SCN1A: variants seen among roughly 807,000 people sequenced by gnomAD.
SCN1A encodes sodium voltage-gated channel alpha subunit 1.
SCN1A carries 13 observed loss-of-function variants against 193.7 expected under a neutral mutation model. The ratio of observed to expected loss-of-function variants is 0.07; its 90% CI spans 0.04 to 0.11. The LOEUF (loss-of-function observed/expected upper bound fraction) is 0.11. Ranked by LOEUF, SCN1A falls within the 10% of genes least tolerant of loss-of-function variation. The pLI is 1.00. For synonymous variants in SCN1A, 781 were observed against 843.6 expected, an observed-to-expected ratio of 0.93 and a Z score of 1.29; for missense variants, 1,432 against 2,451.1, an observed-to-expected ratio of 0.58 and a Z score of 8.78.
upstream of SCN1A, among the ~76,000 whole-genome samples, chr2:166,132,071 G>C (rs144060743): frequency 8.5e-5 from 13 of 152,292 alleles, no homozygotes; most frequent in Admixed American, 4.6e-4. Flanking sequence ...TTGGAGGCTG[G>C]AGGCGAACTT....
At position 165,989,225 on chromosome 2, in the gene SCN1A, T is replaced by C. The variant is rs935996465; in HGVS notation, c.*2020A>G. On this transcript the variant is annotated 3_prime_UTR_variant, in exon 29 of 29. Transcript: ENST00000674923. ...AAATGTTGGTTAGCATTATTTAGCATAATAGTAGCATTTTCCAGCATGCAG... is the reference window on the plus strand; with the variant it reads ...AAATGTTGGTTAGCATTATTTAGCACAATAGTAGCATTTTCCAGCATGCAG... 6.6e-6 allele frequency: 1 copy of C among 152,554 alleles called. No individual in the cohort carries two copies. Among genetic ancestry groups the C allele is most frequent in the African/African-American group, 2.4e-5 (1 of 41,428 alleles). 9.5% of individuals were successfully genotyped at this position (152,554 alleles called of 1,614,324 possible).
chr2:166,043,518 G>C (rs1697397366), intron 14 of SCN1A, 151 bp downstream of exon 14: 1 of 823,828 alleles, frequency 1.2e-6, no homozygotes, highest in African/African-American at 1.7e-5. Context: ...TTAAGTTTTA[G>C]TTGGTTAGTC....
chr2:166,123,223 CAAAAAAAAA>C (rs57488795), intron 2 of SCN1A, among the ~76,000 whole-genome samples: 172 of 116,258 alleles, frequency 1.5e-3, no homozygotes, highest in African/African-American at 5.5e-3. Flanking sequence ...CATTCATTTG[CAAAAAAAAA>C]AAAAAAAAAA....
chr2:166,049,088 T>C, intron 9 of SCN1A, 139 bp from the exon 10 acceptor site: 1 of 657,588 alleles, frequency 1.5e-6, no homozygotes, highest in Non-Finnish European at 2.8e-6. Flanking sequence ...CAAGTATTTG[T>C]CTCTTCTCCC....
At chr2:166,067,700 C>CTTT (rs5836079) in intron 4 of SCN1A, among the ~76,000 whole-genome samples, 3,189 of 128,254 alleles carry the variant, frequency 0.025, 213 homozygotes, top group Admixed American at 0.14. Flanking sequence ...GAGTACATAG[C>CTTT]TTTTTTTTTT....
chr2:166,046,837 G>A lies in SCN1A; in HGVS notation c.1310C>T (p.Ala437Val). 6.2e-7 allele frequency: 1 copy of A among 1,613,896 alleles called. No individual in the cohort carries two copies. The highest frequency in any genetic ancestry group is 1.1e-5 in the South Asian group (1 of 91,082). Residue 437 changes from alanine to valine, a missense_variant, in exon 12 of 29, where the codon GCA (alanine) becomes GTA (valine). Physicochemically the swap from Ala to Val is moderately conservative, Grantham distance 64. Around this residue, in one of 18 missense-constraint regions of SCN1A, gnomAD observed 58 missense variants for 103.4 expected, o/e 0.56. Coordinates refer to ENST00000674923, the MANE Select transcript of SCN1A (RefSeq NM_001165963.4). ...EEQNQATLEE[A>V]EQKEAEFQQM... ...CTGAAATTCGGCCTCTTTCTGTTCTGCTTCTTCCAAGGTGGCCTGATTCTG... is the reference window on the plus strand; with the variant it reads ...CTGAAATTCGGCCTCTTTCTGTTCTACTTCTTCCAAGGTGGCCTGATTCTG...
At chr2:166,109,871 T>C (rs914256657) in intron 2 of SCN1A, among the ~76,000 whole-genome samples, 2 of 151,936 alleles carry the variant, frequency 1.3e-5, no homozygotes, top group Non-Finnish European at 2.9e-5. Flanking sequence ...ATGTGGGTGG[T>C]GGGGAGGTGG....
chr2:166,125,857 C>T (rs1027312888), intron 2 of SCN1A, among the ~76,000 whole-genome samples: 4 of 152,150 alleles, frequency 2.6e-5, no homozygotes, highest in African/African-American at 7.2e-5. Flanking sequence ...AAATGACTCT[C>T]CAGACAGCAC....
intron 2 of SCN1A, among the ~76,000 whole-genome samples, chr2:166,094,000 C>T (rs580041): frequency 0.26 from 38,953 of 151,840 alleles, 5,079 homozygotes; most frequent in Non-Finnish European, 0.27. Flanking sequence ...TGAGTCATTC[C>T]ACTTTTTCAT....
chr2:166,033,851 CAGAT>C (rs59459195), intron 19 of SCN1A, among the ~76,000 whole-genome samples: 27,172 of 151,934 alleles, frequency 0.18, 2,733 homozygotes, highest in East Asian at 0.33. Context: ...TTTAATATAA[CAGAT>C]AGCATATGGT....
chr2:166,119,518 T>C (rs779382670), intron 2 of SCN1A, among the ~76,000 whole-genome samples: 16 of 152,200 alleles, frequency 1.1e-4, no homozygotes, highest in Admixed American at 2.0e-4. Flanking sequence ...CAAGTTTTGC[T>C]AAAAACAACT....
chr2:166,078,868 C>T (rs1685223507), intron 2 of SCN1A, among the ~76,000 whole-genome samples: 1 of 151,660 alleles, frequency 6.6e-6, no homozygotes, highest in South Asian at 2.1e-4. Context: ...CTCACTGATG[C>T]AAGAACTATT....
intron 2 of SCN1A, among the ~76,000 whole-genome samples, chr2:166,080,168 T>G (rs1433784469): frequency 6.6e-6 from 1 of 151,694 alleles, no homozygotes. Context: ...TTCTAAAAAT[T>G]TATAACAGAA....
intron 6 of SCN1A, among the ~76,000 whole-genome samples, chr2:166,055,883 C>A (rs938804150): frequency 3.9e-5 from 6 of 152,080 alleles, no homozygotes; most frequent in Admixed American, 1.3e-4. Context: ...AGTCTTCAGT[C>A]TACTGAATTT....
At chr2:166,113,567 T>TATAAA (rs61349739) in intron 2 of SCN1A, among the ~76,000 whole-genome samples, 141,604 of 151,794 alleles carry the variant, frequency 0.93, 66,318 homozygotes, top group East Asian at 0.98. Flanking sequence ...TAATCATAAA[T>TATAAA]ATAAAATAAC....
intron 1 of SCN1A, among the ~76,000 whole-genome samples, chr2:166,145,528 T>TGTG (rs1692287069): frequency 2.0e-5 from 3 of 150,302 alleles, no homozygotes; most frequent in South Asian, 2.1e-4. Context: ...GGAGAAAAAT[T>TGTG]TGTGTGTGTG....
intron 2 of SCN1A, among the ~76,000 whole-genome samples, chr2:166,099,947 T>A (rs1210583463): frequency 8.8e-6 from 1 of 113,470 alleles, no homozygotes; most frequent in Non-Finnish European, 1.9e-5. Flanking sequence ...CCAAGGTAAT[T>A]TACAGATTCA....
chr2:166,074,645 A>G (rs1684815788), intron 3 of SCN1A, among the ~76,000 whole-genome samples: 1 of 152,200 alleles, frequency 6.6e-6, no homozygotes. Context: ...CATATTTAAT[A>G]TGAGCTCAGA....
intron 2 of SCN1A, among the ~76,000 whole-genome samples, chr2:166,092,054 T>C (rs976000803): frequency 4.6e-5 from 7 of 152,082 alleles, no homozygotes; most frequent in African/African-American, 1.7e-4. Context: ...TTCATTCAGA[T>C]AATATTTTTT....
Sources: gnomAD v4.1 joint callset for allele counts (sites outside exome capture counted in the v4.1 genomes callset) on GRCh38, gnomAD v4.1.1 for gene constraint, gnomAD v4.1.1 regional missense constraint, MANE v1.5 for transcripts, NCBI Gene and HGNC (gene_info 2026-07-23, HGNC 2026-07-21) for gene names.